Variants in GAB4 observed in about 807,000 individuals in gnomAD.
GAB4 encodes the protein GRB2 associated binding protein family member 4, also known as GRB2-associated-binding protein 4.
GAB4 carries 26 observed loss-of-function variants against 51.3 expected under a neutral mutation model. The ratio of observed to expected loss-of-function variants is 0.51; its 90% CI spans 0.37 to 0.70. The LOEUF is 0.70. Among genes scored for constraint, GAB4 ranks in the 30% least tolerant of loss-of-function variants. The pLI, the probability that GAB4 is intolerant of heterozygous loss-of-function variation, is 0.00. For synonymous variants in GAB4, 329 were observed against 291.2 expected (o/e 1.13, Z -1.32); for missense variants, 759 against 734.6 (o/e 1.03, Z -0.38).
chr22:16,976,325 A>G (rs2060778072), intron 3 of GAB4, among the ~76,000 whole-genome samples: 2 of 152,232 alleles, frequency 1.3e-5, no homozygotes, highest in African/African-American at 4.8e-5. Context: ...AAGAACATAA[A>G]TGACCTAATG....
intron 3 of GAB4, among the ~76,000 whole-genome samples, chr22:16,979,210 T>G (rs974698541): frequency 2.0e-5 from 3 of 152,148 alleles, no homozygotes; most frequent in African/African-American, 7.2e-5. Context: ...AAATAAAGGG[T>G]ATTCAATTTG....
chr22:16,968,419 C>A (rs1331883407), intron 4 of GAB4, 36 bp from the exon 5 acceptor site: 3 of 1,490,018 alleles, frequency 2.0e-6, no homozygotes, highest in Admixed American at 3.3e-5. Flanking sequence ...TGCATCACAG[C>A]TGATCCATGT....
intron 5 of GAB4, 141 bp from the exon 6 acceptor site, chr22:16,966,505 C>T (rs1447081124): frequency 4.9e-6 from 4 of 823,154 alleles, no homozygotes; most frequent in Non-Finnish European, 7.4e-6. Context: ...GGGCTGCTGT[C>T]TTCAGCAGCC....
intron 9 of GAB4, 108 bp downstream of exon 9, chr22:16,963,617 G>C (rs2060646941): frequency 1.3e-6 from 1 of 746,942 alleles, no homozygotes; most frequent in Non-Finnish European, 2.3e-6. Flanking sequence ...CACTGGGCTG[G>C]GAGTGGCAGC....
At chr22:16,980,315 G>C (rs1330183404) in intron 3 of GAB4, among the ~76,000 whole-genome samples, 2 of 151,986 alleles carry the variant, frequency 1.3e-5, no homozygotes, top group African/African-American at 4.8e-5. Context: ...AAATTTACAA[G>C]AAAAATCCAA....
At chr22:16,975,168 TC>T (rs1187917598) in intron 3 of GAB4, among the ~76,000 whole-genome samples, 1 of 152,126 alleles carries the variant, frequency 6.6e-6, no homozygotes, top group Admixed American at 6.5e-5. Flanking sequence ...AACTGTTCAT[TC>T]CCCTGAAAAT....
chr22:16,966,863 G>C (rs2060680336), intron 5 of GAB4: 1 of 165,668 alleles, frequency 6.0e-6, no homozygotes, highest in Admixed American at 5.5e-5. Context: ...AGCCACATGG[G>C]TGTGGTGTAG....
In GAB4 at chr22:16,962,746, C is replaced by T. The variant is rs769908072; in HGVS notation, c.1712G>A (p.Gly571Asp). The T allele has an allele frequency of 6.2e-7, 1 of 1,611,596 alleles. No individual in the cohort carries two copies. The highest frequency in any genetic ancestry group is 8.5e-7 in the Non-Finnish European group (1 of 1,179,542). Reference sequence around the variant, plus strand: ...TGGTGGCCCGAGTCACAGCTTGGCGCCCCTGGGAGGCTCTGAGGACTGCCG... The same window carrying T: ...TGGTGGCCCGAGTCACAGCTTGGCGTCCCTGGGAGGCTCTGAGGACTGCCG... ...CLRQSSEPPR[G>D]AKL Residue 571 changes from glycine to aspartate, a missense_variant, in exon 10 of 10, where the codon GGC (glycine) becomes GAC (aspartate). By Grantham distance (94) the Gly-to-Asp change is moderately conservative. Transcript: ENST00000400588.
At position 16,970,037 on chromosome 22, in the gene GAB4, T is replaced by C. The variant is rs370660026; in HGVS notation, c.843A>G (p.Ala281=). 22 of 1,614,212 alleles carry C rather than the reference T, an allele frequency of 1.4e-5. No individual in the cohort carries two copies. In the African/African-American group the frequency reaches 2.7e-4, roughly 20 times the overall value. ...TTCTGTGGGTGCTGCCTCTGAATTC[T>C]GCATTGTGCTGGCTGGGCTTGGAAA... The part of the protein sequence containing the change: ...HSLSKPSQHN[A]EFRGSTHRIP... Residue 281 remains alanine (A), a synonymous_variant, in exon 4 of 10, where the codon GCA becomes GCG. Coordinates refer to ENST00000400588, the MANE Select transcript of GAB4 (RefSeq NM_001037814.1).
chr22:16,972,217 G>A (rs766413615), intron 3 of GAB4, among the ~76,000 whole-genome samples: 28 of 152,174 alleles, frequency 1.8e-4, no homozygotes, highest in Non-Finnish European at 3.1e-4. Flanking sequence ...GAGGTGTCAC[G>A]AACACACACC....
At chr22:16,969,284 C>T (rs954097341) in intron 4 of GAB4, among the ~76,000 whole-genome samples, 4 of 152,218 alleles carry the variant, frequency 2.6e-5, no homozygotes, top group African/African-American at 9.6e-5. Context: ...TCCTAAACTT[C>T]TGTTTTAAGT....
chr22:16,998,278 C>G (rs9941929), intron 1 of GAB4, among the ~76,000 whole-genome samples: 267 of 152,276 alleles, frequency 1.8e-3, no homozygotes, highest in African/African-American at 5.8e-3. Flanking sequence ...TACCCATGAG[C>G]ATGGAATGTT....
intron 5 of GAB4, 95 bp from the exon 6 acceptor site, chr22:16,966,459 G>A (rs2060676358): frequency 2.3e-6 from 3 of 1,313,460 alleles, no homozygotes; most frequent in Non-Finnish European, 3.1e-6. Context: ...GTCATGACGG[G>A]GTGTTTTGAA....
chr22:16,974,928 T>C (rs1028924872), intron 3 of GAB4, among the ~76,000 whole-genome samples: 6 of 152,126 alleles, frequency 3.9e-5, no homozygotes, highest in African/African-American at 1.2e-4. Context: ...CTCCCTCCCT[T>C]AGCCAAGGGA....
chr22:16,963,364 A>G (rs2060644802), intron 9 of GAB4, among the ~76,000 whole-genome samples: 1 of 152,154 alleles, frequency 6.6e-6, no homozygotes, highest in South Asian at 2.1e-4. Flanking sequence ...CCCCCGCATC[A>G]ATGGCCGGGC....
chr22:16,993,486 C>T (rs1284798721), intron 1 of GAB4, among the ~76,000 whole-genome samples: 1 of 152,170 alleles, frequency 6.6e-6, no homozygotes, highest in African/African-American at 2.4e-5. Context: ...ACCTTTTACC[C>T]CTGTTATTTT....
rs113409399 is a variant in GAB4 at position 16,996,332 on chromosome 22, T to C, written c.175-4156A>G. Among the ~76,000 whole-genome samples, 21 of 152,094 alleles carry C rather than the reference T, an allele frequency of 1.4e-4. No individual in the cohort carries two copies. In the South Asian group the frequency reaches 3.1e-3, roughly 23 times the overall value. Reference sequence around the variant, plus strand: ...GTGAAAAGGTCAAATCTATGTTTGATTGGTATATGTGAAAATGACAGGGAG... The same window carrying C: ...GTGAAAAGGTCAAATCTATGTTTGACTGGTATATGTGAAAATGACAGGGAG... On this transcript the variant is annotated intron_variant, in intron 1 of 9. Coordinates refer to ENST00000400588, the MANE Select transcript of GAB4 (RefSeq NM_001037814.1).
chr22:16,963,145 C>G (rs1380973180), intron 9 of GAB4, among the ~76,000 whole-genome samples: 1 of 152,200 alleles, frequency 6.6e-6, no homozygotes, highest in Admixed American at 6.5e-5. Flanking sequence ...TGGCCAAGGC[C>G]TTCCCCTCTA....
At chr22:16,987,825 T>A in intron 3 of GAB4, 135 bp downstream of exon 3, 1 of 640,358 alleles carries the variant, frequency 1.6e-6, no homozygotes, top group Non-Finnish European at 2.6e-6. Context: ...AAATTAAATG[T>A]TGTTATATAT....
Sources: gnomAD v4.1 joint callset for allele counts (sites outside exome capture counted in the v4.1 genomes callset) on GRCh38, gnomAD v4.1.1 for gene constraint, MANE v1.5 for transcripts, NCBI Gene and HGNC (gene_info 2026-07-23, HGNC 2026-07-21) for gene names.